The following RASSF3 variants were observed in gnomAD, a reference collection of about 807,000 sequenced individuals.
The protein encoded by RASSF3 is Ras association domain family member 3.
Under a neutral mutation model 19.9 loss-of-function variants are expected in RASSF3, and 19 were observed. The observed-to-expected ratio is 0.96, with a 90% confidence interval of 0.67 to 1.40. The LOEUF is 1.40. Among genes scored for constraint, RASSF3 ranks in the 40% most tolerant of loss-of-function variants. RASSF3 has a pLI of 0.00. For missense variants in RASSF3, 306 were observed against 289.8 expected (o/e 1.06, Z -0.41); for synonymous variants, 110 against 104.2 (o/e 1.06, Z -0.34).
chr12:64,633,731 C>A (rs2620721), intron 1 of RASSF3, among the ~76,000 whole-genome samples: 74,336 of 151,948 alleles, frequency 0.49, 18,354 homozygotes, highest in Non-Finnish European at 0.52. Flanking sequence ...CTGGCTTTGG[C>A]ACTGGGTAAT....
chr12:64,553,980 A>G (rs1040457952), intron 2 of RASSF3, among the ~76,000 whole-genome samples: 1 of 150,950 alleles, frequency 6.6e-6, no homozygotes, highest in Non-Finnish European at 1.5e-5. Flanking sequence ...CTGTCTCAAA[A>G]AAAAAAAAAA....
In RASSF3 at chr12:64,696,719, T is replaced by C. The variant is rs1359346921; in HGVS notation, c.*1807T>C. The stretch of plus-strand genomic sequence containing the variant: ...TGTGCCACACAATTTACTGAGACAA[T>C]CATATCTTCCTAAGCATTTAAGGAA... On this transcript the variant is annotated 3_prime_UTR_variant, in exon 5 of 5. Coordinates refer to ENST00000542104, the MANE Select transcript of RASSF3 (RefSeq NM_178169.4). The C allele has an allele frequency of 6.6e-6, 1 of 152,214 alleles. No homozygotes were observed. The highest frequency in any genetic ancestry group is 1.9e-4 in the East Asian group (1 of 5,194). The allele number at this position is 152,214 out of a possible 1,614,324, so 9.4% of individuals were successfully genotyped here. A position where few individuals can be genotyped will look rare whatever the true frequency, so the allele number is the denominator to read the frequency against.
intron 1 of RASSF3, among the ~76,000 whole-genome samples, chr12:64,647,567 C>T (rs1216145311): frequency 6.6e-5 from 10 of 151,952 alleles, no homozygotes; most frequent in African/African-American, 1.9e-4. Flanking sequence ...TCCACCACCA[C>T]GCCCGGCTAA....
At chr12:64,513,466 A>G (rs867600538) in intron 1 of RASSF3, among the ~76,000 whole-genome samples, 52 of 151,842 alleles carry the variant, frequency 3.4e-4, no homozygotes, top group Admixed American at 1.2e-3. Flanking sequence ...AAAAAAAAAA[A>G]AAGCCAGATT....
intron 1 of RASSF3, among the ~76,000 whole-genome samples, chr12:64,520,525 T>C (rs1235017250): frequency 1.3e-5 from 2 of 148,238 alleles, no homozygotes; most frequent in Non-Finnish European, 3.0e-5. Context: ...CATATGTGTG[T>C]GTATACACAC....
chr12:64,633,857 C>A (rs748023602), intron 1 of RASSF3, among the ~76,000 whole-genome samples: 3 of 152,076 alleles, frequency 2.0e-5, no homozygotes, highest in Non-Finnish European at 2.9e-5. Flanking sequence ...AAATATGGAC[C>A]AAGTGGGGTG....
In RASSF3 at chr12:64,629,017, C is replaced by G. The variant is rs1036986667; in HGVS notation, c.111+18274C>G. Among the ~76,000 whole-genome samples, 24 of 152,056 alleles carry G rather than the reference C, an allele frequency of 1.6e-4. 1 individual carries two copies. The highest frequency in any genetic ancestry group is 1.3e-4 in the Admixed American group (2 of 15,254). Reference sequence around the variant, plus strand: ...TGGCGTGAACACAGCTCACCACAGCCTTCACCTCCCAGGCTCAAGTGATCG... The same window carrying G: ...TGGCGTGAACACAGCTCACCACAGCGTTCACCTCCCAGGCTCAAGTGATCG... On this transcript the variant is annotated intron_variant, in intron 1 of 4. Coordinates refer to ENST00000542104, the MANE Select transcript of RASSF3 (RefSeq NM_178169.4).
intron 1 of RASSF3, chr12:64,628,370 T>C (rs1193952893): frequency 6.6e-6 from 1 of 152,232 alleles, no homozygotes; most frequent in East Asian, 1.9e-4. Context: ...ATGAGAATCA[T>C]CTTCTTACTG....
intron 1 of RASSF3, among the ~76,000 whole-genome samples, chr12:64,518,943 C>T (rs1868414300): frequency 6.6e-6 from 1 of 152,088 alleles, no homozygotes. Flanking sequence ...CCTTTATTAC[C>T]AAACATATAA....
At chr12:64,641,414 A>ACACACACACGCGCGCG in intron 1 of RASSF3, among the ~76,000 whole-genome samples, 4 of 142,100 alleles carry the variant, frequency 2.8e-5, no homozygotes, top group African/African-American at 1.1e-4. Flanking sequence ...ACACACACAC[A>ACACACACACGCGCGCG]CGCGCGCGCG....
intron 1 of RASSF3, among the ~76,000 whole-genome samples, chr12:64,657,074 A>G (rs1048428062): frequency 6.9e-6 from 1 of 144,868 alleles, no homozygotes; most frequent in Non-Finnish European, 1.5e-5. Context: ...CAATGGTGCT[A>G]TCTTGGCTCA....
At chr12:64,637,423 C>CT (rs781748041) in intron 1 of RASSF3, among the ~76,000 whole-genome samples, 38,792 of 132,444 alleles carry the variant, frequency 0.29, 6,345 homozygotes, top group Non-Finnish European at 0.38. Flanking sequence ...TAGTTTCTTT[C>CT]TTTTTTTTTT....
intron 1 of RASSF3, among the ~76,000 whole-genome samples, chr12:64,653,579 T>C (rs1413399818): frequency 6.6e-6 from 1 of 152,076 alleles, no homozygotes; most frequent in Admixed American, 6.5e-5. Context: ...CTTTTTTTTT[T>C]TTTGAGACTG....
intron 1 of RASSF3, among the ~76,000 whole-genome samples, chr12:64,527,969 T>C (rs1475082244): frequency 6.8e-6 from 1 of 146,544 alleles, no homozygotes; most frequent in Non-Finnish European, 1.5e-5. Flanking sequence ...TTTTAAAAAA[T>C]TGATACAGGC....
intron 1 of RASSF3, among the ~76,000 whole-genome samples, chr12:64,516,850 T>C (rs1457977853): frequency 6.6e-6 from 1 of 150,958 alleles, no homozygotes; most frequent in Non-Finnish European, 1.5e-5. Flanking sequence ...AAAGACAAAA[T>C]TAGCAGGGCG....
At chr12:64,517,698 A>G (rs1446548775) in intron 1 of RASSF3, among the ~76,000 whole-genome samples, 1 of 151,376 alleles carries the variant, frequency 6.6e-6, no homozygotes, top group East Asian at 1.9e-4. Context: ...GGCCCACTGC[A>G]GCCTCAACCT....
intron 1 of RASSF3, among the ~76,000 whole-genome samples, chr12:64,637,801 G>A (rs1871373378): frequency 6.6e-6 from 1 of 150,574 alleles, no homozygotes; most frequent in Non-Finnish European, 1.5e-5. Flanking sequence ...AAATTAGGAT[G>A]TTGCTTTGTG....
intron 1 of RASSF3, among the ~76,000 whole-genome samples, chr12:64,661,565 A>G (rs1872359375): frequency 6.6e-6 from 1 of 151,190 alleles, no homozygotes; most frequent in South Asian, 2.1e-4. Context: ...AAAAATGTAT[A>G]TTGAAGTCCT....
At position 64,668,751 on chromosome 12, in the gene RASSF3, G is replaced by T. The variant is rs991000276; in HGVS notation, c.112-16036G>T. Among the ~76,000 whole-genome samples the T allele has an allele frequency of 2.1e-5, 3 of 146,244 alleles. No individual in the cohort carries two copies. The Admixed American group carries it at 2.1e-4, about 10-fold the overall frequency. On this transcript the variant is annotated intron_variant, in intron 1 of 4. Coordinates refer to ENST00000542104, the MANE Select transcript of RASSF3 (RefSeq NM_178169.4). ...GGCTGGAGTGCAGTGGCGCGATCTC[G>T]GCTCACTGCAAGCTCTGCCTTCCGG...
Sources: gnomAD v4.1 joint callset for allele counts (sites outside exome capture counted in the v4.1 genomes callset) on GRCh38, gnomAD v4.1.1 for gene constraint, MANE v1.5 for transcripts, NCBI Gene and HGNC (gene_info 2026-07-23, HGNC 2026-07-21) for gene names.